The following AHI1 variants were observed in gnomAD, a reference collection of about 807,000 sequenced individuals.
AHI1 encodes jouberin.
Under a neutral mutation model 149.3 loss-of-function variants are expected in AHI1, and 123 were observed. That is an observed-to-expected ratio of 0.82 (90% CI 0.71 to 0.96). The LOEUF (loss-of-function observed/expected upper bound fraction) is 0.96. AHI1 is among the 40% of genes least tolerant of loss of function. AHI1 has a pLI of 0.00. For synonymous variants in AHI1, 475 were observed against 459.8 expected, an observed-to-expected ratio of 1.03 and a Z score of -0.42; for missense variants, 1,439 against 1,422.7, an observed-to-expected ratio of 1.01 and a Z score of -0.18.
chr6:135,332,101 A>C (rs1465982846), intron 24 of AHI1, among the ~76,000 whole-genome samples: 2 of 136,828 alleles, frequency 1.5e-5, no homozygotes, highest in African/African-American at 2.8e-5. Flanking sequence ...ACGGAGTCTC[A>C]CTCTGTCACC....
At chr6:135,384,301 T>C (rs1001013515) in intron 23 of AHI1, among the ~76,000 whole-genome samples, 6 of 152,238 alleles carry the variant, frequency 3.9e-5, no homozygotes, top group African/African-American at 1.4e-4. Flanking sequence ...GTTATAAAGA[T>C]ACAATCTATT....
rs6932573 is a variant in AHI1, at chr6:135,297,049, C to T, written c.3485+3451G>A. 4.6e-3 allele frequency among the ~76,000 whole-genome samples: 701 copies of T among 152,356 alleles called. 4 individuals carry two copies. Among genetic ancestry groups the T allele is most frequent in the African/African-American group, 0.016 (653 of 41,580 alleles). ...TGGACTGATGCTCACAAATGAACTA[C>T]TGACACCTTCAAAGGCTAATCCTGA... On this transcript the variant is annotated intron_variant, in intron 27 of 28. Coordinates refer to ENST00000265602, the MANE Select transcript of AHI1 (RefSeq NM_001134831.2).
chr6:135,357,014 C>A (rs1793073253), intron 24 of AHI1, among the ~76,000 whole-genome samples: 1 of 152,198 alleles, frequency 6.6e-6, no homozygotes, highest in Non-Finnish European at 1.5e-5. Flanking sequence ...TCTCGGCTCA[C>A]AGCAACCTTC....
At chr6:135,427,032 T>C (rs1784003974) in intron 20 of AHI1, 135 bp downstream of exon 20, 3 of 815,200 alleles carry the variant, frequency 3.7e-6, no homozygotes, top group African/African-American at 3.6e-5. Context: ...TGTGGCTAGC[T>C]TTCTGTGATT....
chr6:135,292,115 CACACACACACACACACACATACACAA>C (rs1782432178), intron 27 of AHI1, among the ~76,000 whole-genome samples: 1 of 150,586 alleles, frequency 6.6e-6, no homozygotes, highest in Non-Finnish European at 1.5e-5. Context: ...TAATTACACA[CACACACACACACACACACATACACAA>C]ACACACACAC....
intron 20 of AHI1, among the ~76,000 whole-genome samples, chr6:135,414,749 G>A (rs1401471655): frequency 1.3e-5 from 2 of 152,010 alleles, no homozygotes; most frequent in Non-Finnish European, 2.9e-5. Flanking sequence ...AGCACTGCAT[G>A]TATATTAGAA....
intron 26 of AHI1, among the ~76,000 whole-genome samples, chr6:135,307,532 G>A (rs73776477): frequency 0.052 from 7,878 of 151,974 alleles, 593 homozygotes; most frequent in African/African-American, 0.17. Flanking sequence ...TCTACAGCTT[G>A]TTTTTAAGTA....
At chr6:135,376,531 A>G (rs1056661439) in intron 23 of AHI1, among the ~76,000 whole-genome samples, 4 of 152,178 alleles carry the variant, frequency 2.6e-5, no homozygotes, top group African/African-American at 9.7e-5. Flanking sequence ...TTGCCAAAAA[A>G]GTTTAGCCTG....
chr6:135,322,422 C>G (rs1787002607), intron 25 of AHI1, among the ~76,000 whole-genome samples: 1 of 151,926 alleles, frequency 6.6e-6, no homozygotes, highest in African/African-American at 2.4e-5. Flanking sequence ...CTCTCAAGGC[C>G]TAGTGGTGAA....
chr6:135,307,043 G>T (rs1480030848), intron 26 of AHI1: 1 of 152,188 alleles, frequency 6.6e-6, no homozygotes, highest in Admixed American at 6.5e-5. Context: ...AAATACAGTG[G>T]TGTGTAAGAG....
At chr6:135,405,428 A>G (rs193300049) in intron 21 of AHI1, among the ~76,000 whole-genome samples, 1 of 152,332 alleles carries the variant, frequency 6.6e-6, no homozygotes, top group East Asian at 1.9e-4. Flanking sequence ...ATATATGACT[A>G]TTATTGAAAG....
intron 12 of AHI1, 79 bp from the exon 13 acceptor site, chr6:135,447,239 T>G: frequency 1.1e-6 from 1 of 935,554 alleles, no homozygotes; most frequent in Non-Finnish European, 1.5e-6. Context: ...TTTAAAATAC[T>G]GAAACAAATA....
intron 14 of AHI1, among the ~76,000 whole-genome samples, chr6:135,439,623 C>T (rs375634719): frequency 5.9e-5 from 9 of 152,136 alleles, no homozygotes; most frequent in South Asian, 4.1e-4. Context: ...ATCTTCTATC[C>T]GTGAAATTGT....
chr6:135,396,771 T>C (rs971896308), intron 22 of AHI1, among the ~76,000 whole-genome samples: 5 of 151,690 alleles, frequency 3.3e-5, no homozygotes, highest in Non-Finnish European at 7.4e-5. Context: ...AACAGGTGTA[T>C]GCTGGAGAAA....
rs962319933 is a variant in AHI1 at position 135,394,054 on chromosome 6, T to C, written c.3109+722A>G. Among the ~76,000 whole-genome samples the C allele has an allele frequency of 2.0e-5, 3 of 152,098 alleles. No individual in the cohort carries two copies. In the South Asian group the frequency reaches 6.2e-4, roughly 31 times the overall value. On this transcript the variant is annotated intron_variant, in intron 23 of 28. Transcript: ENST00000265602. ...TTCTAAGTAAATTATGCTGATCTTC[T>C]CATACGCAAATTTTCTTTTTCATAT...
chr6:135,469,386 CCA>C (rs1272940885), intron 5 of AHI1, among the ~76,000 whole-genome samples: 3 of 152,178 alleles, frequency 2.0e-5, no homozygotes, highest in East Asian at 3.9e-4. Flanking sequence ...TATGACAAAT[CCA>C]CAGTCATACT....
At chr6:135,460,346 C>A (rs1789681661) in intron 8 of AHI1, among the ~76,000 whole-genome samples, 1 of 152,018 alleles carries the variant, frequency 6.6e-6, no homozygotes, top group Non-Finnish European at 1.5e-5. Flanking sequence ...AACATCAAAT[C>A]CCAGGAATAA....
intron 20 of AHI1, among the ~76,000 whole-genome samples, chr6:135,421,786 T>C (rs928398659): frequency 7.9e-5 from 12 of 152,196 alleles, no homozygotes; most frequent in East Asian, 1.9e-4. Context: ...GTACCTATTA[T>C]GTGAATAATA....
chr6:135,443,497 TCATCACAGCCACCCTA>T (rs1472549331), intron 13 of AHI1, among the ~76,000 whole-genome samples: 1 of 152,182 alleles, frequency 6.6e-6, no homozygotes, highest in Non-Finnish European at 1.5e-5. Flanking sequence ...TTGAATATAT[TCATCACAGCCACCCTA>T]TGAGTAGCTA....
Sources: allele counts gnomAD v4.1 joint callset (sites outside exome capture counted in the v4.1 genomes callset), GRCh38; gene constraint gnomAD v4.1.1; transcripts MANE v1.5; gene names NCBI Gene and HGNC (gene_info 2026-07-23, HGNC 2026-07-21).